Variants in ASAP3 observed in about 807,000 individuals in gnomAD.
The protein encoded by ASAP3 is ArfGAP with SH3 domain, ankyrin repeat and PH domain 3.
Under a neutral mutation model 118.2 loss-of-function variants are expected in ASAP3, and 85 were observed. The observed-to-expected ratio is 0.72, with a 90% CI of 0.60 to 0.86. The LOEUF (loss-of-function observed/expected upper bound fraction) is 0.86, where lower values mean the gene tolerates loss of function less well. ASAP3 is among the 40% of genes least tolerant of loss of function. ASAP3 has a pLI of 0.00. For missense variants in ASAP3, 1,026 were observed against 1,175.0 expected, an observed-to-expected ratio of 0.87 and a Z score of 1.85; for synonymous variants, 432 against 477.4, an observed-to-expected ratio of 0.90 and a Z score of 1.24.
intron 5 of ASAP3, among the ~76,000 whole-genome samples, chr1:23,445,384 A>C (rs1452581499): frequency 2.6e-5 from 4 of 152,130 alleles, no homozygotes; most frequent in Middle Eastern, 3.4e-3. Flanking sequence ...CCAGCTACTC[A>C]AAAGGTTGAG....
rs772733929 is a variant in ASAP3 at position 23,439,162 on chromosome 1, G to A, written c.1013C>T (p.Thr338Met). 28 of 1,613,782 alleles carry A rather than the reference G, an allele frequency of 1.7e-5. No homozygotes were observed. Among genetic ancestry groups the A allele is most frequent in the East Asian group, 6.7e-5 (3 of 44,892 alleles). The change falls in exon 11 of 25, where the codon ACG becomes ATG. Residue 338 changes from threonine (T) to methionine (M), a missense_variant and splice_region_variant. Thr to Met is a moderately conservative substitution (Grantham distance 81, BLOSUM62 -1). Coordinates refer to ENST00000336689, the MANE Select transcript of ASAP3 (RefSeq NM_017707.4). The part of the protein sequence containing the change: ...KYGCLTISHS[T>M]INRPPVKLTL... ...ACTCCCACCACCTCTAGGCCTCACC[G>A]TGCTGTGTGAGATGGTCAGGCAGCC...
chr1:23,484,199 C>G (rs895375920), upstream of ASAP3: 25 of 1,210,396 alleles, frequency 2.1e-5, no homozygotes, highest in Non-Finnish European at 2.6e-5. Context: ...CGCGCTGAGC[C>G]GGCCTCACCG....
In ASAP3 at chr1:23,452,680, C is replaced by T. The variant is rs757150222; in HGVS notation, c.423+17G>A. On this transcript the variant is annotated intron_variant, in intron 4 of 24. Transcript: ENST00000336689. ...CTTTTACTCTGTCCCACCACCACTC[C>T]CAGCATGGAGACTCACCTGTCGACC... 21 of 1,612,732 alleles carry T rather than the reference C, an allele frequency of 1.3e-5. No homozygotes were observed. The highest frequency in any genetic ancestry group is 2.7e-5 in the African/African-American group (2 of 74,880).
Position 23,428,974 on chromosome 1 carries a change from T to C in ASAP3, c.*882A>G, listed in dbSNP as rs1640328873. The C allele has an allele frequency of 6.5e-6, 1 of 154,826 alleles. No individual in the cohort carries two copies. The highest frequency in any genetic ancestry group is 2.0e-4 in the South Asian group (1 of 4,922). The allele number at this position is 154,826 out of a possible 1,614,324, so 9.6% of individuals were successfully genotyped here. A position where few individuals can be genotyped will look rare whatever the true frequency, so the allele number is the denominator to read the frequency against. ...CCATTCCCTCAGACTAAAAGGCTCCTGAGTTGACCAAGAGAAAGAGAAGAG... is the reference window on the plus strand; with the variant it reads ...CCATTCCCTCAGACTAAAAGGCTCCCGAGTTGACCAAGAGAAAGAGAAGAG... On this transcript the variant is annotated 3_prime_UTR_variant, in exon 25 of 25. Coordinates refer to ENST00000336689, the MANE Select transcript of ASAP3 (RefSeq NM_017707.4).
chr1:23,476,525 A>C (rs1642134188), intron 1 of ASAP3, among the ~76,000 whole-genome samples: 1 of 152,192 alleles, frequency 6.6e-6, no homozygotes, highest in East Asian at 1.9e-4. Flanking sequence ...CCTAAATAAC[A>C]GAATGGCCTC....
chr1:23,472,729 T>C (rs903392163), intron 1 of ASAP3, among the ~76,000 whole-genome samples: 1 of 152,220 alleles, frequency 6.6e-6, no homozygotes, highest in Non-Finnish European at 1.5e-5. Context: ...AACTACCCTA[T>C]GTGCAGGTGT....
chr1:23,456,051 G>T (rs763717902), intron 2 of ASAP3, 25 bp from the exon 3 acceptor site: 2 of 1,614,110 alleles, frequency 1.2e-6, no homozygotes, highest in Non-Finnish European at 1.7e-6. Flanking sequence ...ACGGGAGCTT[G>T]GAGTTAGCTC....
chr1:23,454,891 G>A (rs1641334671), intron 3 of ASAP3, among the ~76,000 whole-genome samples: 1 of 152,238 alleles, frequency 6.6e-6, no homozygotes, highest in Admixed American at 6.5e-5. Context: ...ACTTGACCTA[G>A]TAAGCAGCAG....
chr1:23,441,862 G>A (rs1054277270), intron 7 of ASAP3, 132 bp from the exon 8 acceptor site: 4 of 912,286 alleles, frequency 4.4e-6, no homozygotes, highest in Admixed American at 4.5e-5. Flanking sequence ...GTCAAGAACA[G>A]ACACTCCATA....
Position 23,435,854 on chromosome 1 carries a change from T to C in ASAP3, c.1746A>G (p.Ala582=). ...DFGQPLPGPD[A]QAPEELVLHL... ...TGGCCCTTGGAGGGGTTCTCACCTG[T>C]GCATCAGGCCCTGGCAGCGGCTGTC... Residue 582 remains alanine, a synonymous_variant, in exon 17 of 25, where the codon GCA becomes GCG. Transcript: ENST00000336689. 6.2e-7 allele frequency: 1 copy of C among 1,614,246 alleles called. No homozygotes were observed. Among genetic ancestry groups the C allele is most frequent in the Non-Finnish European group, 8.5e-7 (1 of 1,180,044 alleles).
rs199574094 is a variant in ASAP3 at position 23,433,161 on chromosome 1, C to T, written c.2239G>A (p.Glu747Lys). The T allele has an allele frequency of 3.8e-4, 619 of 1,614,172 alleles. No individual in the cohort carries two copies. Among genetic ancestry groups the T allele is most frequent in the Middle Eastern group, 4.9e-4 (3 of 6,062 alleles). ...ASLGAATPQG[E>K]SEDCPPPLPV... ...AAGGGCGGGGGACAGTCCTCACTCTCGCCCTGAGGGGTGGCTGCTCCCAGG... is the reference window on the plus strand; with the variant it reads ...AAGGGCGGGGGACAGTCCTCACTCTTGCCCTGAGGGGTGGCTGCTCCCAGG... The change falls in exon 22 of 25, where the codon GAG becomes AAG. Residue 747 changes from glutamate (E) to lysine (K), a missense_variant. Transcript: ENST00000336689.
intron 9 of ASAP3, 72 bp downstream of exon 9, chr1:23,441,315 C>T: frequency 1.2e-6 from 2 of 1,605,674 alleles, no homozygotes; most frequent in South Asian, 2.2e-5. Flanking sequence ...CCCTGTGGGT[C>T]TTCCTTCTCT....
chr1:23,448,730 G>A (rs903003108), intron 5 of ASAP3, among the ~76,000 whole-genome samples: 1 of 152,168 alleles, frequency 6.6e-6, no homozygotes, highest in Non-Finnish European at 1.5e-5. Flanking sequence ...GCCTCCCAAA[G>A]TGCTAGGATT....
At chr1:23,440,749 C>T (rs958105926) in intron 10 of ASAP3, among the ~76,000 whole-genome samples, 4 of 145,092 alleles carry the variant, frequency 2.8e-5, no homozygotes, top group Non-Finnish European at 4.5e-5. Context: ...CCCAGCTACT[C>T]GGGAGGCTGA....
At chr1:23,439,989 T>A (rs1248395343) in intron 10 of ASAP3, among the ~76,000 whole-genome samples, 7 of 151,988 alleles carry the variant, frequency 4.6e-5, no homozygotes, top group Admixed American at 4.6e-4. Flanking sequence ...TAATTTTTTG[T>A]ATTTTTAGTA....
chr1:23,452,580 C>T, intron 4 of ASAP3, 117 bp downstream of exon 4: 1 of 1,145,952 alleles, frequency 8.7e-7, no homozygotes, highest in Non-Finnish European at 1.3e-6. Context: ...CTCATCACTC[C>T]CGCTAAGACA....
At position 23,462,304 on chromosome 1, in the gene ASAP3, G is replaced by A. The variant is rs1040485339; in HGVS notation, c.130-6110C>T. Among the ~76,000 whole-genome samples the A allele has an allele frequency of 3.3e-5, 5 of 151,590 alleles. No homozygotes were observed. The East Asian group carries it at 5.9e-4, about 18-fold the overall frequency. ...CTCCCAAAGTGCTGGGATTACAGGC[G>A]TGAGCCACCGCGCCCGGCCACAAAC... On this transcript the variant is annotated intron_variant, in intron 1 of 24. Coordinates refer to ENST00000336689, the MANE Select transcript of ASAP3 (RefSeq NM_017707.4).
At chr1:23,476,067 C>T (rs574480700) in intron 1 of ASAP3, among the ~76,000 whole-genome samples, 9 of 152,108 alleles carry the variant, frequency 5.9e-5, no homozygotes, top group Admixed American at 2.6e-4. Context: ...AATTTAAGGC[C>T]GGGCACAGTG....
chr1:23,439,138 C>T, intron 11 of ASAP3, 23 bp downstream of exon 11: 2 of 1,613,292 alleles, frequency 1.2e-6, no homozygotes, highest in Non-Finnish European at 1.7e-6. Context: ...TGCCCTGAGA[C>T]TCCCACCACC....
Sources: allele counts gnomAD v4.1 joint callset (sites outside exome capture counted in the v4.1 genomes callset), GRCh38; gene constraint gnomAD v4.1.1; transcripts MANE v1.5; gene names NCBI Gene and HGNC (gene_info 2026-07-23, HGNC 2026-07-21).